The following CACNB4 variants were observed in gnomAD, a reference collection of about 807,000 sequenced individuals.
CACNB4 encodes voltage-dependent L-type calcium channel subunit beta-4.
CACNB4 carries 32 observed loss-of-function variants against 71.2 expected under a neutral mutation model. That is an observed-to-expected ratio of 0.45 (90% CI 0.34 to 0.60). The LOEUF (loss-of-function observed/expected upper bound fraction) is 0.60. Among genes scored for constraint, CACNB4 ranks in the 20% least tolerant of loss-of-function variants. The probability of loss-of-function intolerance (pLI) is 0.01; values close to 1 mark genes in which losing one functional copy is unlikely to be tolerated. For missense variants in CACNB4, 464 were observed against 647.9 expected, an observed-to-expected ratio of 0.72 and a Z score of 3.08; for synonymous variants, 231 against 236.9, an observed-to-expected ratio of 0.97 and a Z score of 0.23.
chr2:152,053,677 C>A (rs1685567918), intron 2 of CACNB4, among the ~76,000 whole-genome samples: 1 of 152,048 alleles, frequency 6.6e-6, no homozygotes, highest in Non-Finnish European at 1.5e-5. Context: ...GCACATGCTA[C>A]CATGCTCAGC....
intron 2 of CACNB4, among the ~76,000 whole-genome samples, chr2:151,893,764 G>A (rs920166452): frequency 1.3e-5 from 2 of 151,838 alleles, no homozygotes; most frequent in Non-Finnish European, 2.9e-5. Flanking sequence ...ACATTTGTCT[G>A]GGAAAAAAAT....
intron 2 of CACNB4, among the ~76,000 whole-genome samples, chr2:152,017,304 CCA>C (rs1239470878): frequency 6.7e-6 from 1 of 150,022 alleles, no homozygotes; most frequent in Admixed American, 6.6e-5. Context: ...GTTCTGCAGA[CCA>C]CATTTGAAAA....
intron 2 of CACNB4, among the ~76,000 whole-genome samples, chr2:152,088,023 G>T (rs747715081): frequency 6.6e-6 from 1 of 152,084 alleles, no homozygotes; most frequent in African/African-American, 2.4e-5. Context: ...TGGATGCCTA[G>T]GGCTGGGAGG....
At chr2:151,938,531 A>G (rs868650829) in intron 2 of CACNB4, among the ~76,000 whole-genome samples, 3 of 152,178 alleles carry the variant, frequency 2.0e-5, no homozygotes, top group African/African-American at 7.2e-5. Flanking sequence ...ACAGGGTATC[A>G]TTGGTGCTTG....
At chr2:151,865,172 A>G (rs563578812) in intron 9 of CACNB4, among the ~76,000 whole-genome samples, 4 of 152,342 alleles carry the variant, frequency 2.6e-5, no homozygotes, top group South Asian at 2.1e-4. Flanking sequence ...GTTGACTGCA[A>G]TTAGAAATTA....
intron 6 of CACNB4, 138 bp from the exon 7 acceptor site, chr2:151,870,999 C>A: frequency 4.6e-6 from 3 of 649,280 alleles, no homozygotes; most frequent in Non-Finnish European, 8.2e-6. Flanking sequence ...CTTTGGAGAA[C>A]CTGCCTTATG....
Position 151,839,098 on chromosome 2 carries a change from A to G in CACNB4, c.*21T>C. 1.3e-6 allele frequency: 2 copies of G among 1,597,876 alleles called. No homozygotes were observed. Among genetic ancestry groups the G allele is most frequent in the Non-Finnish European group, 1.7e-6 (2 of 1,169,496 alleles). ...GCTATGGCAAATTGTCAACAGATGA[A>G]TATTTTTTGTTTCATTAGACTCAAA... On this transcript the variant is annotated 3_prime_UTR_variant, in exon 14 of 14. Transcript: ENST00000539935.
At chr2:151,872,390 GA>G in intron 6 of CACNB4, 26 bp downstream of exon 6, 3 of 1,357,694 alleles carry the variant, frequency 2.2e-6, no homozygotes, top group South Asian at 1.2e-5. Context: ...TACAGTGTAT[GA>G]AAAAGAGTTT....
chr2:151,881,658 C>T (rs988743307), intron 3 of CACNB4, among the ~76,000 whole-genome samples: 4 of 152,184 alleles, frequency 2.6e-5, no homozygotes, highest in Non-Finnish European at 4.4e-5. Context: ...CAAAAATTAG[C>T]CACAGTGAGA....
At position 152,098,467 on chromosome 2, in the gene CACNB4, G is replaced by A. The variant is rs746460637; in HGVS notation, c.64-54C>T. On this transcript the variant is annotated intron_variant, in intron 1 of 13. Transcript: ENST00000539935. The surrounding 1 kb of genome is among the most constrained non-coding windows in gnomAD (Gnocchi z 5.3). ...AAGCCGGTGAGGACCGCAGCGCAGA[G>A]CGGGGCGACCACCCCCGGCTGGAGT... is the stretch of plus-strand genomic sequence containing the variant. The A allele has an allele frequency of 4.6e-6, 7 of 1,520,088 alleles. No individual in the cohort carries two copies. The highest frequency in any genetic ancestry group is 6.4e-6 in the Non-Finnish European group (7 of 1,095,070). The allele number at this position is 1,520,088 out of a possible 1,614,324, so 94.2% of individuals were successfully genotyped here. A position where few individuals can be genotyped will look rare whatever the true frequency, so the allele number is the denominator to read the frequency against.
chr2:152,065,153 T>G (rs905174935), intron 2 of CACNB4, among the ~76,000 whole-genome samples: 3 of 152,034 alleles, frequency 2.0e-5, no homozygotes, highest in Non-Finnish European at 4.4e-5. Context: ...GAGACCGAGG[T>G]GGGCAGATCA....
chr2:152,075,901 G>T (rs1175692620), intron 2 of CACNB4, among the ~76,000 whole-genome samples: 1 of 152,142 alleles, frequency 6.6e-6, no homozygotes, highest in African/African-American at 2.4e-5. Flanking sequence ...GGTGGAAACT[G>T]TCCTGAAGCA....
chr2:151,874,777 T>TG (rs771607429), intron 5 of CACNB4: 71 of 390,498 alleles, frequency 1.8e-4, no homozygotes, highest in Admixed American at 1.1e-3. Context: ...AATGCTTCAG[T>TG]GCAGGCTGCG....
rs146558064 is a variant in CACNB4, at chr2:151,865,189, T to C, written c.758+3988A>G. Among the ~76,000 whole-genome samples the C allele has an allele frequency of 4.7e-3, 711 of 152,318 alleles. 6 individuals are homozygous for C. Among genetic ancestry groups the C allele is most frequent in the African/African-American group, 0.016 (672 of 41,572 alleles). On this transcript the variant is annotated intron_variant, in intron 9 of 13. Transcript: ENST00000539935. ...TGACTGCAATTAGAAATTATCTTCA[T>C]TCTTATATGGCTTGGTTGCCTTGTG...
At chr2:151,842,953 A>G (rs2099836600) in intron 12 of CACNB4, among the ~76,000 whole-genome samples, 1 of 152,234 alleles carries the variant, frequency 6.6e-6, no homozygotes, top group South Asian at 2.1e-4. Context: ...ACAATAAGGA[A>G]AGAAAGTTTA....
intron 2 of CACNB4, among the ~76,000 whole-genome samples, chr2:152,093,047 G>A (rs185577710): frequency 2.0e-4 from 31 of 152,180 alleles, no homozygotes; most frequent in Middle Eastern, 3.4e-3. Flanking sequence ...TCAGTTGACC[G>A]CAGGTAACTG....
chr2:152,060,754 T>A (rs1051251545), intron 2 of CACNB4, among the ~76,000 whole-genome samples: 2 of 152,210 alleles, frequency 1.3e-5, no homozygotes, highest in African/African-American at 4.8e-5. Flanking sequence ...CACATCAGAT[T>A]AACAGTGATG....
At chr2:151,883,166 C>T in intron 3 of CACNB4, 85 bp downstream of exon 3, 1 of 1,367,610 alleles carries the variant, frequency 7.3e-7, no homozygotes, top group Non-Finnish European at 1.0e-6. Context: ...AATGATTATT[C>T]CAGAAATGTG....
intron 2 of CACNB4, among the ~76,000 whole-genome samples, chr2:151,893,802 A>C (rs1162764232): frequency 6.6e-6 from 1 of 152,234 alleles, no homozygotes; most frequent in Non-Finnish European, 1.5e-5. Flanking sequence ...TGAAAATGAC[A>C]AAAAGAAAAC....
Sources: gnomAD v4.1 joint callset for allele counts (sites outside exome capture counted in the v4.1 genomes callset) on GRCh38, gnomAD v4.1.1 for gene constraint, Gnocchi (gnomAD v3.1) non-coding constraint, MANE v1.5 for transcripts, NCBI Gene and HGNC (gene_info 2026-07-23, HGNC 2026-07-21) for gene names.